The following UBE2E3 variants were observed in gnomAD, a reference collection of about 807,000 sequenced individuals.
UBE2E3 encodes ubiquitin conjugating enzyme E2 E3, also known as ubiquitin-conjugating enzyme E2 E3.
In UBE2E3, 5 loss-of-function variants were observed where a neutral mutation model predicts 23.6. That is an observed-to-expected ratio of 0.21 (90% confidence interval 0.11 to 0.44). UBE2E3 has a LOEUF of 0.44. UBE2E3 is among the 20% of genes least tolerant of loss of function. The pLI, the probability that UBE2E3 is intolerant of heterozygous loss-of-function variation, is 0.99. For synonymous variants in UBE2E3, 78 were observed against 87.5 expected, an observed-to-expected ratio of 0.89 and a Z score of 0.60; for missense variants, 81 against 249.8, an observed-to-expected ratio of 0.32 and a Z score of 4.55.
chr2:181,034,380 A>G (rs974188505), intron 3 of UBE2E3, among the ~76,000 whole-genome samples: 1 of 152,226 alleles, frequency 6.6e-6, no homozygotes, highest in Non-Finnish European at 1.5e-5. Flanking sequence ...CTTTGTAGGG[A>G]CATGGATGAA....
chr2:181,048,229 G>A (rs899699685), intron 3 of UBE2E3, among the ~76,000 whole-genome samples: 6 of 151,986 alleles, frequency 3.9e-5, no homozygotes, highest in Admixed American at 2.0e-4. Flanking sequence ...ATGTTTTTTT[G>A]TGAGTTTATT....
At chr2:181,011,394 T>C (rs1685323752) in intron 3 of UBE2E3, among the ~76,000 whole-genome samples, 1 of 151,912 alleles carries the variant, frequency 6.6e-6, no homozygotes. Context: ...AACTCAGTCT[T>C]TTATAATTAA....
intron 3 of UBE2E3, among the ~76,000 whole-genome samples, chr2:181,017,204 A>G (rs1021323913): frequency 4.6e-5 from 7 of 151,852 alleles, no homozygotes; most frequent in African/African-American, 1.7e-4. Context: ...GATCGGGAGT[A>G]TGGAAGAATC....
chr2:180,995,447 G>A (rs1361735361), intron 3 of UBE2E3, among the ~76,000 whole-genome samples: 1 of 152,122 alleles, frequency 6.6e-6, no homozygotes, highest in Non-Finnish European at 1.5e-5. Flanking sequence ...TGTAATACAT[G>A]TAACATACAA....
chr2:181,060,704 A>G lies in UBE2E3; in HGVS notation c.418A>G (p.Ser140Gly). 6.2e-7 allele frequency: 1 copy of G among 1,610,016 alleles called. No individual in the cohort carries two copies. The highest frequency in any genetic ancestry group is 8.5e-7 in the Non-Finnish European group (1 of 1,178,110). ...RTRIYHCNINSQGVICLDILK... is the reference protein window; with the variant it reads ...RTRIYHCNINGQGVICLDILK... ...CAGAATCTATCACTGCAACATCAAC[A>G]GTCAGGGAGTCATCTGTCTGGACAT... The change falls in exon 5 of 6, where the codon AGT becomes GGT. Residue 140 changes from serine (S) to glycine (G), a missense_variant. By Grantham distance (56) the Ser-to-Gly change is moderately conservative (BLOSUM62 0). Transcript: ENST00000410062.
At chr2:180,999,812 G>A (rs1684939962) in intron 3 of UBE2E3, among the ~76,000 whole-genome samples, 1 of 152,102 alleles carries the variant, frequency 6.6e-6, no homozygotes, top group African/African-American at 2.4e-5. Flanking sequence ...TCTCAGAAAT[G>A]TGAATAATAC....
At chr2:181,041,234 C>CAAAAAGAAAAAAAA (rs1686490154) in intron 3 of UBE2E3, among the ~76,000 whole-genome samples, 1 of 77,196 alleles carries the variant, frequency 1.3e-5, no homozygotes, top group Non-Finnish European at 2.4e-5. Flanking sequence ...GACTCCGTCT[C>CAAAAAGAAAAAAAA]AAAAAAAAAA....
At chr2:181,056,617 C>CCCTCT (rs1487287614) in intron 3 of UBE2E3, among the ~76,000 whole-genome samples, 4 of 151,742 alleles carry the variant, frequency 2.6e-5, no homozygotes, top group Non-Finnish European at 5.9e-5. Context: ...AGGGATCTAC[C>CCCTCT]CCTCTGACCC....
At chr2:181,057,148 G>C (rs755715950) in intron 3 of UBE2E3, among the ~76,000 whole-genome samples, 1 of 151,836 alleles carries the variant, frequency 6.6e-6, no homozygotes, top group Non-Finnish European at 1.5e-5. Context: ...CCAAGACTGG[G>C]TCCTGCATCG....
At chr2:181,032,300 C>A (rs1211519512) in intron 3 of UBE2E3, among the ~76,000 whole-genome samples, 2 of 152,064 alleles carry the variant, frequency 1.3e-5, no homozygotes, top group Non-Finnish European at 2.9e-5. Flanking sequence ...AACGTGTATC[C>A]AACATTAATT....
At chr2:180,984,435 C>T (rs1684393685) in intron 3 of UBE2E3, among the ~76,000 whole-genome samples, 1 of 152,132 alleles carries the variant, frequency 6.6e-6, no homozygotes. Context: ...AAAGTTACTG[C>T]TTGTGTGTGC....
intron 3 of UBE2E3, among the ~76,000 whole-genome samples, chr2:181,030,469 A>G (rs1374113099): frequency 1.3e-5 from 2 of 152,102 alleles, no homozygotes; most frequent in African/African-American, 2.4e-5. Context: ...CAATATGAAC[A>G]GTCTTGGATA....
rs568708278 is a variant in UBE2E3, at chr2:180,982,075, G to A, written c.33G>A (p.Glu11=). The A allele has an allele frequency of 6.2e-7, 1 of 1,606,496 alleles. No individual in the cohort carries two copies. Among genetic ancestry groups the A allele is most frequent in the East Asian group, 2.2e-5 (1 of 44,808 alleles). The change falls in exon 2 of 6, where the codon GAG becomes GAA. Residue 11 remains glutamate (E), a synonymous_variant. Coordinates refer to ENST00000410062, the MANE Select transcript of UBE2E3 (RefSeq NM_006357.4). ...GTGATAGGCAAAGGTCCGATGATGA[G>A]AGCCCCAGCACCAGCAGTGGCAGTT... The part of the protein sequence containing the change: MSSDRQRSDD[E]SPSTSSGSSD...
intron 3 of UBE2E3, among the ~76,000 whole-genome samples, chr2:181,019,171 G>T (rs1196068540): frequency 2.0e-5 from 3 of 152,268 alleles, no homozygotes; most frequent in South Asian, 4.1e-4. Context: ...TGTTGGTCAG[G>T]CTGGTCTCGA....
chr2:181,049,997 A>G (rs971207018), intron 3 of UBE2E3, among the ~76,000 whole-genome samples: 11 of 152,146 alleles, frequency 7.2e-5, no homozygotes, highest in African/African-American at 2.6e-4. Flanking sequence ...CTAGATTTCA[A>G]AAATCTTACT....
At chr2:181,024,135 T>C (rs1206359696) in intron 3 of UBE2E3, among the ~76,000 whole-genome samples, 1 of 152,106 alleles carries the variant, frequency 6.6e-6, no homozygotes, top group Non-Finnish European at 1.5e-5. Flanking sequence ...GAGCCAAAAG[T>C]TCATATGAAG....
chr2:180,990,382 T>G (rs1684620300), intron 3 of UBE2E3, among the ~76,000 whole-genome samples: 1 of 152,212 alleles, frequency 6.6e-6, no homozygotes, highest in Non-Finnish European at 1.5e-5. Context: ...TATAGATATT[T>G]GTTCCTGTAC....
intron 5 of UBE2E3, among the ~76,000 whole-genome samples, chr2:181,062,283 A>G (rs1050497717): frequency 2.0e-5 from 3 of 151,676 alleles, no homozygotes; most frequent in Admixed American, 2.0e-4. Flanking sequence ...TTCACTCTCT[A>G]GTTCAGAATT....
At chr2:180,992,252 A>G (rs985397208) in intron 3 of UBE2E3, among the ~76,000 whole-genome samples, 1 of 141,012 alleles carries the variant, frequency 7.1e-6, no homozygotes, top group Non-Finnish European at 1.6e-5. Context: ...TTTGCTTTCA[A>G]ATACTCTTTT....
Sources: allele counts gnomAD v4.1 joint callset (sites outside exome capture counted in the v4.1 genomes callset), GRCh38; gene constraint gnomAD v4.1.1; transcripts MANE v1.5; gene names NCBI Gene and HGNC (gene_info 2026-07-23, HGNC 2026-07-21).